The following NRG1 variants were observed in gnomAD, a reference collection of about 807,000 sequenced individuals.
The protein encoded by NRG1 is pro-neuregulin-1, membrane-bound isoform.
In NRG1, 18 loss-of-function variants were observed where a neutral mutation model predicts 63.8. The observed-to-expected ratio is 0.28, with a 90% CI of 0.19 to 0.42. The LOEUF is 0.42. Ranked by LOEUF, NRG1 falls within the 10% of genes least tolerant of loss-of-function variation. The probability of loss-of-function intolerance (pLI) is 1.00; values close to 1 mark genes in which losing one functional copy is unlikely to be tolerated. For synonymous variants in NRG1, 302 were observed against 301.3 expected, an observed-to-expected ratio of 1.00 and a Z score of -0.02; for missense variants, 762 against 814.7, an observed-to-expected ratio of 0.94 and a Z score of 0.79.
intron 1 of NRG1, among the ~76,000 whole-genome samples, chr8:32,052,093 C>G (rs143871113): frequency 6.6e-6 from 1 of 152,060 alleles, no homozygotes; most frequent in East Asian, 1.9e-4. Context: ...GTTGGGGTTT[C>G]TATGGGATAT....
intron 3 of NRG1, among the ~76,000 whole-genome samples, chr8:32,612,860 C>T (rs909791105): frequency 6.6e-6 from 1 of 151,964 alleles, no homozygotes; most frequent in Non-Finnish European, 1.5e-5. Context: ...GAGAAGGAAG[C>T]ATCTCTCTTA....
rs981519765 is a variant in NRG1 at position 31,902,424 on chromosome 8, C to CT, written c.37+262994dup. ...TTGGGTCATCTTGTACACATCAACT[C>CT]TGATTACAAAGTAATTAGTAATCAA... On this transcript the variant is annotated intron_variant, in intron 1 of 10. Coordinates refer to the NRG1 transcript ENST00000519301. Among the ~76,000 whole-genome samples, 203 of 152,252 alleles carry CT rather than the reference C, an allele frequency of 1.3e-3. 1 individual carries two copies. The highest frequency in any genetic ancestry group is 4.7e-3 in the African/African-American group (195 of 41,544).
Position 32,279,393 on chromosome 8 carries a change from G to A in NRG1, c.38-316435G>A, listed in dbSNP as rs113022629. Among the ~76,000 whole-genome samples the A allele has an allele frequency of 2.6e-3, 398 of 152,182 alleles. 1 individual carries two copies. The highest frequency in any genetic ancestry group is 4.2e-3 in the Admixed American group (64 of 15,294). On this transcript the variant is annotated intron_variant, in intron 1 of 10. Coordinates refer to the NRG1 transcript ENST00000519301. ...TTTTGAGACGGAGTCTCACTCTGTC[G>A]CCAGGCTGGAGTGCAGTGGTGTGAT... is the stretch of plus-strand genomic sequence containing the variant.
intron 1 of NRG1, among the ~76,000 whole-genome samples, chr8:32,135,062 T>C (rs1244815097): frequency 6.6e-6 from 1 of 152,036 alleles, no homozygotes; most frequent in Admixed American, 6.6e-5. Context: ...ATACCTAACA[T>C]GGTGATGCTA....
intron 7 of NRG1, among the ~76,000 whole-genome samples, chr8:32,748,480 A>AT (rs957077149): frequency 2.0e-5 from 3 of 151,714 alleles, no homozygotes; most frequent in Admixed American, 6.6e-5. Flanking sequence ...ATCCCTGGAG[A>AT]TTTTTTATTT....
chr8:31,951,891 C>T (rs1803525756), intron 1 of NRG1, among the ~76,000 whole-genome samples: 1 of 152,152 alleles, frequency 6.6e-6, no homozygotes, highest in Non-Finnish European at 1.5e-5. Flanking sequence ...TGGTTTACGT[C>T]AAGCAAGGGG....
At position 32,507,227 on chromosome 8, in the gene NRG1, G is replaced by A. The variant is rs189981819; in HGVS notation, c.38-88601G>A. ...GTAAGAGCGAGCAAGAGTTACTAAA[G>A]CACTTCAGGTTAAGGGGAGGCAGAG... On this transcript the variant is annotated intron_variant, in intron 1 of 10. Coordinates refer to the NRG1 transcript ENST00000519301. Among the ~76,000 whole-genome samples, 3 of 152,302 alleles carry A rather than the reference G, an allele frequency of 2.0e-5. No individual in the cohort carries two copies. In the East Asian group the frequency reaches 5.8e-4, roughly 29 times the overall value.
At chr8:31,967,842 G>A (rs1450427510) in intron 1 of NRG1, among the ~76,000 whole-genome samples, 1 of 152,206 alleles carries the variant, frequency 6.6e-6, no homozygotes, top group Non-Finnish European at 1.5e-5. Flanking sequence ...TAAAGACAAT[G>A]CCCATGGTAC....
chr8:32,149,800 C>T (rs1318600013), intron 1 of NRG1, among the ~76,000 whole-genome samples: 1 of 152,140 alleles, frequency 6.6e-6, no homozygotes, highest in Non-Finnish European at 1.5e-5. Flanking sequence ...AAAAAATTAC[C>T]TTCCCTAGAT....
intron 5 of NRG1, among the ~76,000 whole-genome samples, chr8:32,674,067 G>A (rs913253034): frequency 1.3e-5 from 2 of 152,110 alleles, no homozygotes; most frequent in African/African-American, 2.4e-5. Flanking sequence ...TTCCATAGGA[G>A]CATCTATTAT....
intron 5 of NRG1, among the ~76,000 whole-genome samples, chr8:32,678,265 G>A (rs557817958): frequency 5.9e-5 from 9 of 152,220 alleles, no homozygotes; most frequent in Middle Eastern, 6.8e-3. Context: ...TAATGTCCCA[G>A]GTCACCTATC....
intron 1 of NRG1, among the ~76,000 whole-genome samples, chr8:32,229,165 C>T (rs1846643208): frequency 6.6e-6 from 1 of 152,228 alleles, no homozygotes; most frequent in East Asian, 1.9e-4. Flanking sequence ...TTGGCAGCCA[C>T]GAAGTGAGAG....
chr8:32,245,575 A>G (rs906669802), intron 1 of NRG1, among the ~76,000 whole-genome samples: 1 of 152,324 alleles, frequency 6.6e-6, no homozygotes, highest in Admixed American at 6.5e-5. Context: ...TCTGATAAAC[A>G]GGAAGGAGCT....
chr8:32,630,340 C>T lies in NRG1; in HGVS notation c.502+13455C>T, dbSNP rs1402256367. On this transcript the variant is annotated intron_variant, in intron 5 of 11. Coordinates refer to ENST00000356819, the Ensembl canonical transcript of NRG1. ...ATGATAAAAGGTGTTAAAGGTAGAA[C>T]AATTTTAGGTACCAAATTATATTTA... 2.6e-5 allele frequency among the ~76,000 whole-genome samples: 4 copies of T among 152,048 alleles called. No individual in the cohort carries two copies. In the East Asian group the frequency reaches 5.8e-4, roughly 22 times the overall value.
At position 32,758,575 on chromosome 8, in the gene NRG1, C is replaced by CAAA. The variant is rs35499101; in HGVS notation, c.922-706_922-704dup. Among the ~76,000 whole-genome samples, 76 of 74,524 alleles carry CAAA rather than the reference C, an allele frequency of 1.0e-3. 3 individuals are homozygous for CAAA. The East Asian group carries it at 0.03, about 29-fold the overall frequency. 48.9% of individuals were successfully genotyped at this position (74,524 alleles called of 152,430 possible). On this transcript the variant is annotated intron_variant, in intron 9 of 11. Transcript: ENST00000356819. Reference sequence around the variant, plus strand: ...TGGGCAACAGAGTGAGACTCCATCTCAAAAAAAAAAAAAAAAAAAAAAAAA... The same window carrying CAAA: ...TGGGCAACAGAGTGAGACTCCATCTCAAAAAAAAAAAAAAAAAAAAAAAAAAAA...
At chr8:32,050,064 C>G (rs1217108336) in intron 1 of NRG1, among the ~76,000 whole-genome samples, 2 of 152,036 alleles carry the variant, frequency 1.3e-5, no homozygotes, top group Non-Finnish European at 2.9e-5. Context: ...ATCCTGAAAG[C>G]TGAGATAATA....
intron 1 of NRG1, among the ~76,000 whole-genome samples, chr8:32,185,821 G>A (rs1193865906): frequency 6.6e-6 from 1 of 152,130 alleles, no homozygotes; most frequent in Non-Finnish European, 1.5e-5. Flanking sequence ...TATAGCTACA[G>A]TTTCTCCAGT....
chr8:32,628,998 G>T (rs1000731256), intron 5 of NRG1, among the ~76,000 whole-genome samples: 1 of 151,898 alleles, frequency 6.6e-6, no homozygotes, highest in South Asian at 2.1e-4. Context: ...CCTCCCAAAG[G>T]GCTGGTATTA....
chr8:31,710,826 T>A (rs1228744431), intron 1 of NRG1, among the ~76,000 whole-genome samples: 1 of 152,128 alleles, frequency 6.6e-6, no homozygotes, highest in Non-Finnish European at 1.5e-5. Context: ...GATACTGATA[T>A]AGCAGGTATG....
Sources: gnomAD v4.1 joint callset for allele counts (sites outside exome capture counted in the v4.1 genomes callset) on GRCh38, gnomAD v4.1.1 for gene constraint, MANE v1.5 for transcripts, NCBI Gene and HGNC (gene_info 2026-07-23, HGNC 2026-07-21) for gene names.